Variants in ARHGEF26 observed in about 807,000 individuals in gnomAD.
The protein encoded by ARHGEF26 is Rho guanine nucleotide exchange factor (GEF) 26.
In ARHGEF26, 59 loss-of-function variants were observed where a neutral mutation model predicts 89.4. The ratio of observed to expected loss-of-function variants is 0.66; its 90% confidence interval spans 0.54 to 0.82. The LOEUF is 0.82. Among genes scored for constraint, ARHGEF26 ranks in the 40% least tolerant of loss-of-function variants. The pLI is 0.00. For synonymous variants in ARHGEF26, 500 were observed against 428.4 expected, an observed-to-expected ratio of 1.17 and a Z score of -2.06; for missense variants, 1,234 against 1,085.6, an observed-to-expected ratio of 1.14 and a Z score of -1.92.
chr3:154,191,779 C>T (rs551249744), intron 8 of ARHGEF26, among the ~76,000 whole-genome samples: 3 of 152,160 alleles, frequency 2.0e-5, no homozygotes, highest in South Asian at 2.1e-4. Context: ...GCCTAAGATT[C>T]CTCAGACTGA....
intron 4 of ARHGEF26, among the ~76,000 whole-genome samples, chr3:154,146,098 A>G (rs559710077): frequency 4.6e-5 from 7 of 152,206 alleles, no homozygotes; most frequent in East Asian, 1.9e-4. Flanking sequence ...CTTATAAACA[A>G]CAGAAATTTA....
chr3:154,239,067 GT>G, intron 11 of ARHGEF26, among the ~76,000 whole-genome samples: 1 of 152,064 alleles, frequency 6.6e-6, no homozygotes, highest in Non-Finnish European at 1.5e-5. Flanking sequence ...ATTACAGAGA[GT>G]TTGTAGTTGA....
chr3:154,251,674 A>G (rs985988665), intron 12 of ARHGEF26, among the ~76,000 whole-genome samples: 63 of 152,212 alleles, frequency 4.1e-4, no homozygotes, highest in African/African-American at 1.5e-3. Context: ...CACTGGAGGA[A>G]GTGAGCCTTG....
rs1018352846 is a variant in ARHGEF26 at position 154,199,710 on chromosome 3, A to T, written c.1845+4992A>T. On this transcript the variant is annotated intron_variant, in intron 9 of 14. Coordinates refer to ENST00000465093, the MANE Select transcript of ARHGEF26 (RefSeq NM_015595.4). ...TGTATGAGGGTTCTCTTTTCTCCAC[A>T]TCCTTGCCAGCATTTGTTATTGCCT... Among the ~76,000 whole-genome samples the T allele has an allele frequency of 3.3e-5, 5 of 152,118 alleles. 1 individual carries two copies. The highest frequency in any genetic ancestry group is 6.5e-5 in the Admixed American group (1 of 15,268).
chr3:154,172,642 C>T (rs1383679696), intron 6 of ARHGEF26, among the ~76,000 whole-genome samples: 6 of 152,160 alleles, frequency 3.9e-5, no homozygotes, highest in Admixed American at 6.5e-5. Context: ...TGCAGTGAGC[C>T]GAGATCACAT....
At chr3:154,224,589 A>T (rs952138602) in intron 10 of ARHGEF26, among the ~76,000 whole-genome samples, 1 of 152,158 alleles carries the variant, frequency 6.6e-6, no homozygotes, top group East Asian at 1.9e-4. Flanking sequence ...CCCTGACACA[A>T]GGTGACCTCT....
chr3:154,162,602 C>T (rs1711737522), intron 6 of ARHGEF26, among the ~76,000 whole-genome samples: 3 of 152,004 alleles, frequency 2.0e-5, no homozygotes, highest in African/African-American at 7.3e-5. Flanking sequence ...CCGGTGTCTG[C>T]GTGGGTTTTC....
At chr3:154,249,071 T>TA (rs1717961405) in intron 12 of ARHGEF26, among the ~76,000 whole-genome samples, 1 of 152,152 alleles carries the variant, frequency 6.6e-6, no homozygotes, top group South Asian at 2.1e-4. Context: ...ACACAAAAGG[T>TA]AACTGGTCAA....
At chr3:154,237,538 TCACACACACACACA>T (rs71152796) in intron 11 of ARHGEF26, among the ~76,000 whole-genome samples, 4 of 143,298 alleles carry the variant, frequency 2.8e-5, no homozygotes, top group Admixed American at 2.1e-4. Context: ...TGAGACTCCG[TCACACACACACACA>T]CACACACACA....
intron 6 of ARHGEF26, among the ~76,000 whole-genome samples, chr3:154,172,935 G>A (rs999705351): frequency 3.3e-5 from 5 of 152,158 alleles, no homozygotes; most frequent in Non-Finnish European, 7.3e-5. Flanking sequence ...GGGATAGGCT[G>A]TGCTGTAAAA....
intron 4 of ARHGEF26, among the ~76,000 whole-genome samples, chr3:154,133,156 T>C (rs1215677609): frequency 2.0e-5 from 3 of 152,178 alleles, no homozygotes; most frequent in Non-Finnish European, 2.9e-5. Context: ...CAGTAATTTA[T>C]GGTTGTTACG....
intron 14 of ARHGEF26, 38 bp downstream of exon 14, chr3:154,254,862 G>A: frequency 6.4e-7 from 1 of 1,554,798 alleles, no homozygotes; most frequent in Non-Finnish European, 8.9e-7. Flanking sequence ...TCGTGGTCCA[G>A]GATGCAGAGT....
intron 12 of ARHGEF26, among the ~76,000 whole-genome samples, chr3:154,244,355 GTAAAGAATGCA>G (rs1717669318): frequency 3.3e-5 from 5 of 152,146 alleles, no homozygotes; most frequent in Non-Finnish European, 7.3e-5. Flanking sequence ...CTTTGATTAC[GTAAAGAATGCA>G]GAAATGCTCA....
intron 4 of ARHGEF26, among the ~76,000 whole-genome samples, chr3:154,143,285 C>T (rs550859332): frequency 6.1e-4 from 93 of 152,206 alleles, no homozygotes; most frequent in African/African-American, 2.1e-3. Context: ...TTGTCTTTTA[C>T]GCAAAAATCA....
chr3:154,252,522 A>G (rs1196759485), intron 12 of ARHGEF26, among the ~76,000 whole-genome samples: 1 of 152,166 alleles, frequency 6.6e-6, no homozygotes, highest in Non-Finnish European at 1.5e-5. Flanking sequence ...GCTTAATATT[A>G]TATTAAAAGT....
At chr3:154,252,824 A>T (rs1380225325) in intron 12 of ARHGEF26, among the ~76,000 whole-genome samples, 1 of 152,230 alleles carries the variant, frequency 6.6e-6, no homozygotes, top group Admixed American at 6.5e-5. Context: ...TTGGAGTTAT[A>T]ATGTGTTCGT....
intron 4 of ARHGEF26, among the ~76,000 whole-genome samples, chr3:154,143,199 T>G (rs1332674240): frequency 6.6e-6 from 1 of 152,216 alleles, no homozygotes; most frequent in East Asian, 1.9e-4. Flanking sequence ...ATAAAAAAAT[T>G]GAACTATCTC....
At chr3:154,159,372 G>A (rs187378518) in intron 6 of ARHGEF26, among the ~76,000 whole-genome samples, 148 of 152,228 alleles carry the variant, frequency 9.7e-4, no homozygotes, top group African/African-American at 3.5e-3. Context: ...AATTTCTGCA[G>A]AGTAAAGTAA....
chr3:154,233,051 T>C (rs1237660525), intron 11 of ARHGEF26, among the ~76,000 whole-genome samples: 1 of 151,968 alleles, frequency 6.6e-6, no homozygotes, highest in Non-Finnish European at 1.5e-5. Context: ...CAGGATGGTG[T>C]GGATCTACTG....
Sources: gnomAD v4.1 joint callset for allele counts (sites outside exome capture counted in the v4.1 genomes callset) on GRCh38, gnomAD v4.1.1 for gene constraint, MANE v1.5 for transcripts, NCBI Gene and HGNC (gene_info 2026-07-23, HGNC 2026-07-21) for gene names.